The following PPP3CA variants were observed in gnomAD, a reference collection of about 807,000 sequenced individuals.
The protein encoded by PPP3CA is protein phosphatase 3 catalytic subunit alpha.
PPP3CA carries 14 observed loss-of-function variants against 66.5 expected under a neutral mutation model. That is an observed-to-expected ratio of 0.21 (90% CI 0.14 to 0.33). PPP3CA has a LOEUF of 0.33. Among genes scored for constraint, PPP3CA ranks in the 10% least tolerant of loss-of-function variants. The pLI is 1.00. For missense variants in PPP3CA, 317 were observed against 639.5 expected (o/e 0.50, Z 5.44); for synonymous variants, 232 against 226.2 (o/e 1.03, Z -0.23).
chr4:101,289,977 G>C (rs746343898), intron 1 of PPP3CA, among the ~76,000 whole-genome samples: 3 of 151,810 alleles, frequency 2.0e-5, no homozygotes, highest in Non-Finnish European at 4.4e-5. Flanking sequence ...CTAGAATGGT[G>C]CAAGGAAGTG....
intron 1 of PPP3CA, among the ~76,000 whole-genome samples, chr4:101,314,507 T>C (rs1176557874): frequency 7.7e-6 from 1 of 130,108 alleles, no homozygotes; most frequent in East Asian, 2.2e-4. Flanking sequence ...GAGCTTGCAG[T>C]GAGCAGAGAT....
At chr4:101,104,745 C>T (rs1261765025) in intron 3 of PPP3CA, among the ~76,000 whole-genome samples, 2 of 152,136 alleles carry the variant, frequency 1.3e-5, no homozygotes, top group Non-Finnish European at 1.5e-5. Context: ...TCAGTAGGTA[C>T]ATTTTATATA....
chr4:101,330,419 C>CA lies in PPP3CA; in HGVS notation c.58+16319dup, dbSNP rs1257890520. On this transcript the variant is annotated intron_variant, in intron 1 of 13. Transcript: ENST00000394854. ...GCAACTCAAAGGATTTCCAATACTA[C>CA]ATACATTTAGCTGATAAAGCAACAG... The CA allele has an allele frequency of 5.6e-6, 3 of 532,974 alleles. No individual in the cohort carries two copies. In the African/African-American group the frequency reaches 5.8e-5, roughly 10 times the overall value. 33.0% of individuals were successfully genotyped at this position (532,974 alleles called of 1,614,324 possible).
chr4:101,098,906 T>C (rs1730319136), intron 4 of PPP3CA, among the ~76,000 whole-genome samples: 1 of 152,146 alleles, frequency 6.6e-6, no homozygotes, highest in South Asian at 2.1e-4. Context: ...GGCAAGACAT[T>C]TCCTAAAGCT....
intron 1 of PPP3CA, among the ~76,000 whole-genome samples, chr4:101,207,105 AG>A (rs1352551889): frequency 6.6e-6 from 1 of 152,220 alleles, no homozygotes; most frequent in Non-Finnish European, 1.5e-5. Context: ...ATGTGAATGC[AG>A]GGTCACAAAT....
At chr4:101,305,008 A>C (rs1032170560) in intron 1 of PPP3CA, among the ~76,000 whole-genome samples, 2 of 152,242 alleles carry the variant, frequency 1.3e-5, no homozygotes, top group Non-Finnish European at 2.9e-5. Flanking sequence ...GTACAGTTAC[A>C]AGCACTTGTG....
intron 8 of PPP3CA, among the ~76,000 whole-genome samples, chr4:101,076,598 A>G (rs1421425073): frequency 6.6e-6 from 1 of 152,220 alleles, no homozygotes; most frequent in Non-Finnish European, 1.5e-5. Context: ...AATGAGACAA[A>G]TATTTTGGAT....
At chr4:101,308,398 T>C (rs1265267069) in intron 1 of PPP3CA, among the ~76,000 whole-genome samples, 1 of 152,200 alleles carries the variant, frequency 6.6e-6, no homozygotes, top group African/African-American at 2.4e-5. Flanking sequence ...GTTACAGTTT[T>C]ATCACAATAC....
At chr4:101,228,491 C>T (rs895261310) in intron 1 of PPP3CA, among the ~76,000 whole-genome samples, 1 of 151,334 alleles carries the variant, frequency 6.6e-6, no homozygotes, top group Admixed American at 6.6e-5. Flanking sequence ...TTAAAGGCAC[C>T]ATGCAAAATG....
intron 1 of PPP3CA, among the ~76,000 whole-genome samples, chr4:101,301,462 A>G (rs1265220169): frequency 6.8e-6 from 1 of 146,112 alleles, no homozygotes; most frequent in South Asian, 2.1e-4. Flanking sequence ...TTTATATATT[A>G]TATATATTAT....
At chr4:101,048,740 A>C (rs1008634568) in intron 10 of PPP3CA, among the ~76,000 whole-genome samples, 6 of 152,024 alleles carry the variant, frequency 3.9e-5, no homozygotes, top group Non-Finnish European at 7.4e-5. Flanking sequence ...CACTCACTCC[A>C]AATCACTCTA....
chr4:101,200,602 CT>C (rs772296880), intron 1 of PPP3CA, among the ~76,000 whole-genome samples: 124 of 152,154 alleles, frequency 8.1e-4, no homozygotes, highest in Admixed American at 1.0e-3. Context: ...TATTTTCCTC[CT>C]TTTTTTCCCC....
chr4:101,287,621 G>A (rs1045482576), intron 1 of PPP3CA, among the ~76,000 whole-genome samples: 2 of 152,078 alleles, frequency 1.3e-5, no homozygotes, highest in African/African-American at 4.8e-5. Context: ...CTGCTTAAAG[G>A]ACCCACCATC....
intron 1 of PPP3CA, among the ~76,000 whole-genome samples, chr4:101,277,040 G>C (rs1446702737): frequency 1.3e-5 from 2 of 151,910 alleles, no homozygotes; most frequent in East Asian, 3.9e-4. Flanking sequence ...AGTCCCCTGT[G>C]CTCCACCTAT....
chr4:101,171,498 G>T (rs1375803947), intron 2 of PPP3CA, among the ~76,000 whole-genome samples: 1 of 152,050 alleles, frequency 6.6e-6, no homozygotes, highest in East Asian at 1.9e-4. Flanking sequence ...TGTATATCTT[G>T]CACTGTTCTA....
chr4:101,334,626 A>G (rs1284106425), intron 1 of PPP3CA, among the ~76,000 whole-genome samples: 1 of 152,212 alleles, frequency 6.6e-6, no homozygotes, highest in Admixed American at 6.5e-5. Context: ...CAAAAAAGCA[A>G]TTCTTATCTT....
At chr4:101,327,315 A>G (rs1729238089) in intron 1 of PPP3CA, among the ~76,000 whole-genome samples, 1 of 152,108 alleles carries the variant, frequency 6.6e-6, no homozygotes, top group Non-Finnish European at 1.5e-5. Context: ...CATAAGAAAA[A>G]ATTCTAAAAC....
chr4:101,334,426 G>A (rs1729561904), intron 1 of PPP3CA, among the ~76,000 whole-genome samples: 1 of 152,078 alleles, frequency 6.6e-6, no homozygotes, highest in Middle Eastern at 3.4e-3. Flanking sequence ...GAGCCACCGC[G>A]CCCAACCCCC....
intron 2 of PPP3CA, among the ~76,000 whole-genome samples, chr4:101,184,348 T>TAC (rs2110178316): frequency 6.6e-6 from 1 of 152,312 alleles, no homozygotes; most frequent in African/African-American, 2.4e-5. Context: ...CGGCTGCATT[T>TAC]ACTAAGGCTC....
Sources: allele counts gnomAD v4.1 joint callset (sites outside exome capture counted in the v4.1 genomes callset), GRCh38; gene constraint gnomAD v4.1.1; transcripts MANE v1.5; gene names NCBI Gene and HGNC (gene_info 2026-07-23, HGNC 2026-07-21).